ATRNL1: variants seen among roughly 807,000 people sequenced by gnomAD.
ATRNL1 encodes attractin like 1, also known as attractin-like protein 1.
Under a neutral mutation model 182.7 loss-of-function variants are expected in ATRNL1, and 95 were observed. That is an observed-to-expected ratio of 0.52 (90% CI 0.44 to 0.62). The LOEUF is 0.62. Ranked by LOEUF, ATRNL1 falls within the 20% of genes least tolerant of loss-of-function variation. ATRNL1 has a pLI of 0.00. For missense variants in ATRNL1, 1,471 were observed against 1,679.5 expected (o/e 0.88, Z 2.17); for synonymous variants, 576 against 568.3 (o/e 1.01, Z -0.19).
intron 26 of ATRNL1, among the ~76,000 whole-genome samples, chr10:115,670,898 A>G (rs184002906): frequency 3.0e-4 from 46 of 152,284 alleles, no homozygotes; most frequent in Admixed American, 6.5e-4. Context: ...AATATGAGAA[A>G]TAATGTCGAA....
At chr10:115,396,378 C>G (rs641453) in intron 20 of ATRNL1, among the ~76,000 whole-genome samples, 1 of 151,782 alleles carries the variant, frequency 6.6e-6, no homozygotes. Context: ...TTCATGGGCA[C>G]GTGGCCTGTG....
chr10:115,512,297 GT>G (rs1165547575), intron 24 of ATRNL1, among the ~76,000 whole-genome samples: 1 of 151,844 alleles, frequency 6.6e-6, no homozygotes, highest in African/African-American at 2.4e-5. Flanking sequence ...TTTAAAAGCA[GT>G]TGGCTAAATA....
At chr10:115,874,366 T>A (rs553444259) in intron 28 of ATRNL1, among the ~76,000 whole-genome samples, 1 of 152,348 alleles carries the variant, frequency 6.6e-6, no homozygotes, top group South Asian at 2.1e-4. Context: ...CATCACCTAC[T>A]GGTAATCAGG....
intron 27 of ATRNL1, among the ~76,000 whole-genome samples, chr10:115,772,178 C>G (rs1420673238): frequency 6.6e-6 from 1 of 152,204 alleles, no homozygotes; most frequent in African/African-American, 2.4e-5. Flanking sequence ...AGAAGGTTAA[C>G]AATTTGTGTA....
chr10:115,612,372 A>G (rs915144857), intron 26 of ATRNL1, among the ~76,000 whole-genome samples: 1 of 152,212 alleles, frequency 6.6e-6, no homozygotes, highest in African/African-American at 2.4e-5. Flanking sequence ...AGTGTTTACT[A>G]ACATACTGTC....
chr10:115,908,627 G>A (rs923259360), intron 28 of ATRNL1, among the ~76,000 whole-genome samples: 3 of 152,100 alleles, frequency 2.0e-5, no homozygotes, highest in Admixed American at 2.0e-4. Flanking sequence ...CTTAGTACAT[G>A]TGCATCCTTG....
chr10:115,415,862 A>T (rs1845363828), intron 20 of ATRNL1, among the ~76,000 whole-genome samples: 1 of 151,996 alleles, frequency 6.6e-6, no homozygotes, highest in African/African-American at 2.4e-5. Context: ...CTAGATTTTT[A>T]GCATGTGATA....
chr10:115,172,938 T>C (rs1847351673), intron 8 of ATRNL1, among the ~76,000 whole-genome samples: 1 of 151,724 alleles, frequency 6.6e-6, no homozygotes, highest in South Asian at 2.1e-4. Context: ...CTTCTGCCAG[T>C]GTAGCTTGGT....
chr10:115,189,503 T>G (rs1848085881), intron 8 of ATRNL1, among the ~76,000 whole-genome samples: 1 of 152,066 alleles, frequency 6.6e-6, no homozygotes, highest in Non-Finnish European at 1.5e-5. Flanking sequence ...ATCCTGACTT[T>G]GTGTAGGCCT....
intron 8 of ATRNL1, among the ~76,000 whole-genome samples, chr10:115,176,491 G>T (rs2144126292): frequency 6.6e-6 from 1 of 152,240 alleles, no homozygotes; most frequent in African/African-American, 2.4e-5. Flanking sequence ...GGCCAAAAAT[G>T]ATGATGAGAA....
intron 27 of ATRNL1, among the ~76,000 whole-genome samples, chr10:115,834,427 G>C (rs985450727): frequency 1.3e-5 from 2 of 152,012 alleles, no homozygotes; most frequent in Non-Finnish European, 2.9e-5. Flanking sequence ...AATCCATAAG[G>C]CTCAACAACT....
rs10546896 is a variant in ATRNL1, at chr10:115,738,126, A to ATTTTTTTTTTTTTTT, written c.3903+10787_3903+10801dup. Among the ~76,000 whole-genome samples the ATTTTTTTTTTTTTTT allele has an allele frequency of 1.8e-3, 85 of 47,102 alleles. 10 individuals are homozygous for ATTTTTTTTTTTTTTT. The highest frequency in any genetic ancestry group is 4.7e-3 in the South Asian group (5 of 1,054). The allele number at this position is 47,102 out of a possible 152,430, so 30.9% of individuals were successfully genotyped here. On this transcript the variant is annotated intron_variant, in intron 27 of 28. Coordinates refer to ENST00000355044, the MANE Select transcript of ATRNL1 (RefSeq NM_207303.4). The stretch of plus-strand genomic sequence containing the variant: ...ATAAAAAATGATTTAGAAGATAATG[A>ATTTTTTTTTTTTTTT]TTTTTTTTTTTTTTTTTTTTTTTTT...
chr10:115,361,153 A>G (rs1554944110), intron 19 of ATRNL1, among the ~76,000 whole-genome samples: 2 of 151,988 alleles, frequency 1.3e-5, no homozygotes. Flanking sequence ...TTCACCCGCT[A>G]GTTCTAACAT....
intron 27 of ATRNL1, among the ~76,000 whole-genome samples, chr10:115,737,457 A>G (rs7095980): frequency 0.023 from 3,548 of 151,790 alleles, 124 homozygotes; most frequent in African/African-American, 0.081. Context: ...AGAAAAGTAT[A>G]CTTCATTAAG....
chr10:115,428,170 T>C (rs1380796303), intron 21 of ATRNL1, among the ~76,000 whole-genome samples: 1 of 152,104 alleles, frequency 6.6e-6, no homozygotes, highest in Non-Finnish European at 1.5e-5. Context: ...GTGATGCTAT[T>C]GATAATGTTA....
At chr10:115,479,612 A>G (rs1342327278) in intron 24 of ATRNL1, among the ~76,000 whole-genome samples, 1 of 151,434 alleles carries the variant, frequency 6.6e-6, no homozygotes, top group Middle Eastern at 3.2e-3. Flanking sequence ...GACATATAGC[A>G]GTGTTATGTG....
chr10:115,539,972 A>G (rs1852256366), intron 25 of ATRNL1, among the ~76,000 whole-genome samples: 1 of 107,612 alleles, frequency 9.3e-6, no homozygotes, highest in Non-Finnish European at 1.8e-5. Context: ...CCTTCCCATC[A>G]AATGTTATGG....
chr10:115,290,435 A>G (rs551908822), intron 15 of ATRNL1, among the ~76,000 whole-genome samples: 2 of 152,200 alleles, frequency 1.3e-5, no homozygotes, highest in African/African-American at 2.4e-5. Context: ...CGAATGGATC[A>G]CCTGAGATCA....
intron 27 of ATRNL1, among the ~76,000 whole-genome samples, chr10:115,769,865 T>G (rs1265752087): frequency 6.6e-6 from 1 of 152,184 alleles, no homozygotes; most frequent in African/African-American, 2.4e-5. Context: ...TTATTCTTAC[T>G]GCTAAAATCT....
Sources: gnomAD v4.1 joint callset for allele counts (sites outside exome capture counted in the v4.1 genomes callset) on GRCh38, gnomAD v4.1.1 for gene constraint, MANE v1.5 for transcripts, NCBI Gene and HGNC (gene_info 2026-07-23, HGNC 2026-07-21) for gene names.